SNURF: variants seen among roughly 807,000 people sequenced by gnomAD.
SNURF encodes the protein SNURF protein.
In SNURF, 6 loss-of-function variants were observed where a neutral mutation model predicts 11.6. The observed-to-expected ratio is 0.52, with a 90% CI of 0.28 to 1.02. The LOEUF is 1.02. Among genes scored for constraint, SNURF ranks in the 50% least tolerant of loss-of-function variants. The probability of loss-of-function intolerance (pLI) is 0.09; values close to 1 mark genes in which losing one functional copy is unlikely to be tolerated. For missense variants in SNURF, 84 were observed against 88.4 expected (o/e 0.95, Z 0.20); for synonymous variants, 29 against 31.6 (o/e 0.92, Z 0.27).
chr15:24,966,550 C>A (rs1216972787), intron 2 of SNURF, among the ~76,000 whole-genome samples: 1 of 152,084 alleles, frequency 6.6e-6, no homozygotes, highest in Non-Finnish European at 1.5e-5. Context: ...ACCCTTTAGT[C>A]TTTGTTTGAT....
chr15:24,974,422 C>T, intron 3 of SNURF: 2 of 1,611,530 alleles, frequency 1.2e-6, no homozygotes, highest in Non-Finnish European at 1.7e-6. Flanking sequence ...CAAGTTTTAA[C>T]TGTGGACATT....
At chr15:24,978,665 A>T, downstream of SNURF, 1 of 580,852 alleles carries the variant, frequency 1.7e-6, no homozygotes, top group South Asian at 2.3e-5. Context: ...CCTATTAAGC[A>T]GTTGATTCAA....
exon 4 of SNURF, chr15:24,975,427 C>T (rs780552612): frequency 6.2e-7 from 1 of 1,612,926 alleles, no homozygotes; most frequent in Non-Finnish European, 8.5e-7. Flanking sequence ...GCAAGATGGC[C>T]GAATCTTCAT....
At chr15:24,968,421 G>A (rs2075964961), downstream of SNURF, 2 of 184,700 alleles carry the variant, frequency 1.1e-5, no homozygotes, top group Admixed American at 1.1e-4. Context: ...ATTTTTTTCT[G>A]CCAGTAGTTT....
chr15:24,974,756 A>G (rs1283319621), intron 3 of SNURF: 2 of 610,828 alleles, frequency 3.3e-6, no homozygotes, highest in Non-Finnish European at 5.8e-6. Context: ...ACAGGGTTTC[A>G]CTGTGTTGGC....
chr15:24,956,249 G>A (rs1004441722), intron 1 of SNURF, among the ~76,000 whole-genome samples: 34 of 152,004 alleles, frequency 2.2e-4, no homozygotes, highest in African/African-American at 8.2e-4. Context: ...GGTCTTGGAA[G>A]GCTATGTCGA....
At chr15:24,976,279 C>T (rs758719130) in intron 4 of SNURF, 13 of 1,564,330 alleles carry the variant, frequency 8.3e-6, no homozygotes, top group Middle Eastern at 1.7e-4. Flanking sequence ...AAATTTATCT[C>T]ACTAAAATTT....
intron 3 of SNURF, chr15:24,974,953 C>T (rs2076894515): frequency 1.4e-6 from 1 of 702,800 alleles, no homozygotes; most frequent in African/African-American, 1.7e-5. Flanking sequence ...ATGATGGACT[C>T]TCAGGTCAGA....
At chr15:24,972,007 G>T (rs1114937), downstream of SNURF, among the ~76,000 whole-genome samples, 2 of 152,140 alleles carry the variant, frequency 1.3e-5, no homozygotes, top group Non-Finnish European at 2.9e-5. Flanking sequence ...TGTAATCCTA[G>T]CACTTGGGGA....
At chr15:24,955,515 G>A (rs908519573) in intron 1 of SNURF, among the ~76,000 whole-genome samples, 3 of 151,126 alleles carry the variant, frequency 2.0e-5, no homozygotes, top group East Asian at 2.0e-4. Flanking sequence ...GCGAAGGTAC[G>A]TGAAGTGATC....
At chr15:24,955,894 G>C (rs1375790612) in intron 1 of SNURF, among the ~76,000 whole-genome samples, 4 of 151,950 alleles carry the variant, frequency 2.6e-5, no homozygotes, top group African/African-American at 9.7e-5. Flanking sequence ...GCTGTCCGGA[G>C]TGACTAAGGG....
At chr15:24,976,836 G>A (rs2153704329) in intron 5 of SNURF, 1 of 1,581,768 alleles carries the variant, frequency 6.3e-7, no homozygotes, top group East Asian at 2.3e-5. Context: ...CTGAGAACTT[G>A]TAAATTGTTT....
chr15:24,977,541 G>T (rs1337281431), intron 6 of SNURF, among the ~76,000 whole-genome samples: 2 of 152,106 alleles, frequency 1.3e-5, no homozygotes, highest in African/African-American at 4.8e-5. Context: ...CAGGCAGGGA[G>T]ACAGGAGAAT....
intron 1 of SNURF, among the ~76,000 whole-genome samples, chr15:24,959,601 C>T (rs970064709): frequency 1.3e-5 from 2 of 152,140 alleles, no homozygotes; most frequent in Admixed American, 1.3e-4. Context: ...TGCAGTTGTA[C>T]ACTATTAGAT....
chr15:24,977,340 T>C lies in SNURF; in HGVS notation c.*462+311T>C, dbSNP rs572421972. ...TGGATGTCAGTGTACTAAGATTAGT[T>C]TTTAAAATATGGGAATAGGCCGGGT... is the stretch of plus-strand genomic sequence containing the variant. On this transcript the variant is annotated intron_variant and NMD_transcript_variant, in intron 6 of 6. Coordinates refer to the SNURF transcript ENST00000580062. Among the ~76,000 whole-genome samples, 4 of 152,244 alleles carry C rather than the reference T, an allele frequency of 2.6e-5. No homozygotes were observed. In the East Asian group the frequency reaches 7.8e-4, roughly 30 times the overall value.
Position 24,962,217 on chromosome 15 carries a change from C to A in SNURF, c.110+8C>A. ...CTCACTGAGCAACCAAGAGTGAGTACAGACTGTGTTGGGAACAAATGCAAG... is the reference window on the plus strand; with the variant it reads ...CTCACTGAGCAACCAAGAGTGAGTAAAGACTGTGTTGGGAACAAATGCAAG... On this transcript the variant is annotated splice_region_variant and intron_variant, in intron 2 of 2. Coordinates refer to ENST00000577949, the Ensembl canonical transcript of SNURF. 6.2e-7 allele frequency: 1 copy of A among 1,610,164 alleles called. No individual in the cohort carries two copies. Among genetic ancestry groups the A allele is most frequent in the Non-Finnish European group, 8.5e-7 (1 of 1,176,534 alleles).
At chr15:24,978,146 T>A, downstream of SNURF, 1 of 1,591,836 alleles carries the variant, frequency 6.3e-7, no homozygotes, top group African/African-American at 1.3e-5. Flanking sequence ...TTCTAACTTT[T>A]CTAAGCCATT....
At chr15:24,973,987 A>AT (rs1370841493) in intron 3 of SNURF, among the ~76,000 whole-genome samples, 7 of 152,192 alleles carry the variant, frequency 4.6e-5, no homozygotes, top group African/African-American at 1.4e-4. Context: ...CTTCATATTA[A>AT]TTCTGAACTA....
exon 5 of SNURF, chr15:24,976,362 G>A (rs1490146254): frequency 1.4e-5 from 23 of 1,613,144 alleles, no homozygotes; most frequent in Non-Finnish European, 1.9e-5. Context: ...GTCTGGTGTT[G>A]CTGCGTGGGG....
Sources: allele counts gnomAD v4.1 joint callset (sites outside exome capture counted in the v4.1 genomes callset), GRCh38; gene constraint gnomAD v4.1.1; transcripts MANE v1.5; gene names NCBI Gene and HGNC (gene_info 2026-07-23, HGNC 2026-07-21).